The following RNLS variants were observed in gnomAD, a reference collection of about 807,000 sequenced individuals.
RNLS encodes renalase.
A neutral mutation model predicts 39.8 loss-of-function variants in RNLS; 39 were observed. The ratio of observed to expected loss-of-function variants is 0.98; its 90% CI spans 0.76 to 1.28. RNLS has a LOEUF of 1.28. Among genes scored for constraint, RNLS ranks in the 50% most tolerant of loss-of-function variants. The pLI is 0.00. For missense variants in RNLS, 410 were observed against 413.3 expected (o/e 0.99, Z 0.07); for synonymous variants, 147 against 150.7 (o/e 0.98, Z 0.18).
At chr10:88,185,528 C>T in the RNLS span, among the ~76,000 whole-genome samples, 1 of 152,152 alleles carries the variant, frequency 6.6e-6, no homozygotes, top group Admixed American at 6.5e-5. Context: ...CTACTTAGTA[C>T]ATTCCAATCT....
chr10:88,336,084 A>G (rs1847471653), intron 5 of RNLS, among the ~76,000 whole-genome samples: 1 of 152,190 alleles, frequency 6.6e-6, no homozygotes, highest in Non-Finnish European at 1.5e-5. Flanking sequence ...GCAGTACTGG[A>G]CAAAGCTATG....
intron 5 of RNLS, among the ~76,000 whole-genome samples, chr10:88,348,556 G>C (rs1415601382): frequency 6.6e-6 from 1 of 152,172 alleles, no homozygotes; most frequent in African/African-American, 2.4e-5. Flanking sequence ...TATGGATGCT[G>C]TATAGATCTG....
chr10:88,388,452 C>A (rs1243023168), intron 4 of RNLS, among the ~76,000 whole-genome samples: 1 of 152,128 alleles, frequency 6.6e-6, no homozygotes, highest in Non-Finnish European at 1.5e-5. Context: ...CAGGATCTGG[C>A]CCCAGTTTAA....
At chr10:88,453,626 T>C (rs545010451) in intron 4 of RNLS, among the ~76,000 whole-genome samples, 24 of 152,364 alleles carry the variant, frequency 1.6e-4, no homozygotes, top group African/African-American at 5.5e-4. Flanking sequence ...ATGCTATTTC[T>C]GAGTATCTGC....
chr10:88,351,775 A>G (rs1213977535), intron 5 of RNLS, among the ~76,000 whole-genome samples: 1 of 152,144 alleles, frequency 6.6e-6, no homozygotes. Flanking sequence ...ATGGCATTGA[A>G]TCTATAAATT....
At position 88,314,518 on chromosome 10, in the gene RNLS, G is replaced by A. The variant is rs766460709; in HGVS notation, c.824C>T (p.Pro275Leu). The A allele has an allele frequency of 4.1e-5, 66 of 1,613,792 alleles. No homozygotes were observed. The highest frequency in any genetic ancestry group is 4.6e-5 in the Non-Finnish European group (54 of 1,179,886). ...GGTAGCAATTGGCTGAGGCAAACCC[G>A]GCAAAATGTTTTCCAGCTGCTGGAA... ...LVFQQLENIL[P>L]GLPQPIATKC... The change falls in exon 6 of 7, where the codon CCG becomes CTG. Residue 275 changes from proline to leucine, a missense_variant. Coordinates refer to ENST00000331772, the MANE Select transcript of RNLS (RefSeq NM_001031709.3).
intron 4 of RNLS, among the ~76,000 whole-genome samples, chr10:88,527,445 C>T (rs926095902): frequency 6.6e-6 from 1 of 152,144 alleles, no homozygotes; most frequent in Non-Finnish European, 1.5e-5. Context: ...GCCCTGTGCC[C>T]TGGGGAGGGG....
chr10:88,489,966 T>C (rs1844792514), intron 4 of RNLS, among the ~76,000 whole-genome samples: 2 of 152,174 alleles, frequency 1.3e-5, no homozygotes, highest in South Asian at 2.1e-4. Context: ...AGGCTGTCCA[T>C]TGTATGGCTA....
intron 6 of RNLS, among the ~76,000 whole-genome samples, chr10:88,293,616 A>G (rs1029731858): frequency 8.5e-5 from 13 of 152,092 alleles, no homozygotes; most frequent in Non-Finnish European, 1.6e-4. Context: ...TTGCCTTTTA[A>G]ATTTTTAATT....
intron 4 of RNLS, among the ~76,000 whole-genome samples, chr10:88,415,443 C>T (rs979100805): frequency 6.6e-6 from 1 of 152,150 alleles, no homozygotes; most frequent in Admixed American, 6.5e-5. Context: ...TCTCAACCAT[C>T]CTATTTATTA....
intron 4 of RNLS, among the ~76,000 whole-genome samples, chr10:88,445,976 TG>T (rs1438869325): frequency 6.6e-6 from 1 of 152,212 alleles, no homozygotes; most frequent in Non-Finnish European, 1.5e-5. Context: ...AACAGACATC[TG>T]TAGAACTCTC....
chr10:88,438,119 T>TC (rs1274483897), intron 4 of RNLS, among the ~76,000 whole-genome samples: 6 of 89,716 alleles, frequency 6.7e-5, no homozygotes, highest in Non-Finnish European at 1.2e-4. Flanking sequence ...AGAGTGAAAC[T>TC]CCTAAAAAAA....
chr10:88,286,742 T>C (rs1191534127), intron 6 of RNLS, among the ~76,000 whole-genome samples: 1 of 151,838 alleles, frequency 6.6e-6, no homozygotes, highest in Non-Finnish European at 1.5e-5. Context: ...ATTTAAATTA[T>C]GGTTCTGAGA....
chr10:88,425,773 A>C (rs1313466988), intron 4 of RNLS, among the ~76,000 whole-genome samples: 1 of 152,128 alleles, frequency 6.6e-6, no homozygotes. Flanking sequence ...AATGACTTAC[A>C]CTTAGGGTAG....
chr10:88,422,829 T>C (rs1031101472), intron 4 of RNLS, among the ~76,000 whole-genome samples: 11 of 152,062 alleles, frequency 7.2e-5, no homozygotes, highest in Non-Finnish European at 1.6e-4. Context: ...TGAGGCATGA[T>C]TGTTGTTTAT....
At chr10:88,543,334 A>T (rs925012183) in intron 4 of RNLS, among the ~76,000 whole-genome samples, 1 of 152,158 alleles carries the variant, frequency 6.6e-6, no homozygotes, top group Non-Finnish European at 1.5e-5. Flanking sequence ...AAGTTGAGGC[A>T]GTGATAACTG....
chr10:88,566,708 G>A (rs1401978769), intron 4 of RNLS, among the ~76,000 whole-genome samples: 1 of 152,162 alleles, frequency 6.6e-6, no homozygotes, highest in African/African-American at 2.4e-5. Context: ...AAAGTTGAAA[G>A]TGAGTTAAAA....
downstream of RNLS, among the ~76,000 whole-genome samples, chr10:88,272,502 T>C (rs543111187): frequency 1.4e-3 from 207 of 152,304 alleles, 2 homozygotes; most frequent in Non-Finnish European, 3.8e-4. Flanking sequence ...GGGATTCTAA[T>C]TCAGTCATTC....
At chr10:88,381,330 C>A (rs1298227794) in intron 4 of RNLS, among the ~76,000 whole-genome samples, 2 of 152,106 alleles carry the variant, frequency 1.3e-5, no homozygotes, top group Non-Finnish European at 2.9e-5. Context: ...AAGTTTTCTT[C>A]ATCTACTCAC....
Sources: allele counts gnomAD v4.1 joint callset (sites outside exome capture counted in the v4.1 genomes callset), GRCh38; gene constraint gnomAD v4.1.1; transcripts MANE v1.5; gene names NCBI Gene and HGNC (gene_info 2026-07-23, HGNC 2026-07-21).